Variants in CPNE4 observed in about 807,000 individuals in gnomAD.
CPNE4 encodes the protein copine 4.
CPNE4 carries 25 observed loss-of-function variants against 67.9 expected under a neutral mutation model. That is an observed-to-expected ratio of 0.37 (90% CI 0.27 to 0.51). The LOEUF (loss-of-function observed/expected upper bound fraction) is 0.51, where lower values mean the gene tolerates loss of function less well. Among genes scored for constraint, CPNE4 ranks in the 20% least tolerant of loss-of-function variants. The pLI is 0.93. For synonymous variants in CPNE4, 242 were observed against 244.9 expected (o/e 0.99, Z 0.11); for missense variants, 464 against 690.8 (o/e 0.67, Z 3.68).
At chr3:131,608,334 G>T (rs1457008032) in intron 7 of CPNE4, among the ~76,000 whole-genome samples, 1 of 152,132 alleles carries the variant, frequency 6.6e-6, no homozygotes, top group Non-Finnish European at 1.5e-5. Flanking sequence ...GGAGTACGGT[G>T]GGTTTGGAGT....
chr3:131,793,591 T>C (rs2083840561), intron 2 of CPNE4, among the ~76,000 whole-genome samples: 2 of 152,214 alleles, frequency 1.3e-5, no homozygotes, highest in Admixed American at 1.3e-4. Flanking sequence ...ACTATCTCTC[T>C]CACTCACTAA....
intron 2 of CPNE4, among the ~76,000 whole-genome samples, chr3:131,825,022 G>T (rs75845873): frequency 0.023 from 3,569 of 152,196 alleles, 125 homozygotes; most frequent in African/African-American, 0.08. Context: ...GCAAAAGCAG[G>T]ACCCTTTGAA....
chr3:131,727,101 G>A lies in CPNE4; in HGVS notation c.181-3476C>T, dbSNP rs59494512. Among the ~76,000 whole-genome samples, 722 of 152,284 alleles carry A rather than the reference G, an allele frequency of 4.7e-3. 4 individuals are homozygous for A. Among genetic ancestry groups the A allele is most frequent in the African/African-American group, 0.017 (695 of 41,550 alleles). On this transcript the variant is annotated intron_variant, in intron 2 of 15. Transcript: ENST00000429747. The stretch of plus-strand genomic sequence containing the variant: ...TATAGTTGTATACTATTTTACAAAT[G>A]AGAAAACTCAAGGTTAAATATCAGC...
At chr3:131,612,065 T>C (rs937719707) in intron 7 of CPNE4, among the ~76,000 whole-genome samples, 3 of 152,142 alleles carry the variant, frequency 2.0e-5, no homozygotes, top group African/African-American at 7.2e-5. Context: ...AAGATAACTG[T>C]CATAATTCAT....
intron 2 of CPNE4, among the ~76,000 whole-genome samples, chr3:131,897,571 A>T (rs1423547693): frequency 6.6e-6 from 1 of 151,712 alleles, no homozygotes; most frequent in Non-Finnish European, 1.5e-5. Context: ...ACTATATACA[A>T]TTTTTTTTGT....
intron 1 of CPNE4, among the ~76,000 whole-genome samples, chr3:131,961,196 AT>A (rs1301713861): frequency 6.6e-6 from 1 of 152,218 alleles, no homozygotes; most frequent in African/African-American, 2.4e-5. Flanking sequence ...AAACAATTTT[AT>A]TTAGAGTAAC....
At chr3:131,850,158 T>G (rs2086179537) in intron 2 of CPNE4, among the ~76,000 whole-genome samples, 1 of 152,152 alleles carries the variant, frequency 6.6e-6, no homozygotes, top group Non-Finnish European at 1.5e-5. Flanking sequence ...AAATTTTTTT[T>G]GCCAATATCC....
intron 2 of CPNE4, among the ~76,000 whole-genome samples, chr3:131,890,321 C>G (rs1287122256): frequency 6.6e-6 from 1 of 151,428 alleles, no homozygotes; most frequent in East Asian, 1.9e-4. Flanking sequence ...AAATGGCCAA[C>G]AGGTATATAA....
At chr3:131,750,792 T>C (rs2082607532) in intron 2 of CPNE4, among the ~76,000 whole-genome samples, 1 of 152,144 alleles carries the variant, frequency 6.6e-6, no homozygotes, top group African/African-American at 2.4e-5. Context: ...ATTTCCTTTC[T>C]ATTTAAAGAA....
intron 7 of CPNE4, among the ~76,000 whole-genome samples, chr3:131,658,519 G>A (rs566886677): frequency 1.5e-4 from 23 of 152,230 alleles, no homozygotes; most frequent in African/African-American, 5.3e-4. Flanking sequence ...AAAATAATTC[G>A]TTTCTTATCA....
At chr3:131,771,660 A>G (rs1442685249) in intron 2 of CPNE4, among the ~76,000 whole-genome samples, 1 of 152,134 alleles carries the variant, frequency 6.6e-6, no homozygotes, top group African/African-American at 2.4e-5. Context: ...CTGTAGAACC[A>G]TGAACCAAAT....
At chr3:131,745,209 C>T (rs1217056579) in intron 2 of CPNE4, among the ~76,000 whole-genome samples, 1 of 152,044 alleles carries the variant, frequency 6.6e-6, no homozygotes, top group African/African-American at 2.4e-5. Context: ...TTTTCATGTA[C>T]TTACTTGCTG....
At chr3:131,652,125 GGCT>G (rs1395594166) in intron 7 of CPNE4, among the ~76,000 whole-genome samples, 6 of 152,134 alleles carry the variant, frequency 3.9e-5, no homozygotes. Context: ...AATTAGGTGC[GGCT>G]GCTAAGTCTC....
chr3:131,844,576 C>T (rs2085923772), intron 2 of CPNE4, among the ~76,000 whole-genome samples: 1 of 152,144 alleles, frequency 6.6e-6, no homozygotes, highest in South Asian at 2.1e-4. Context: ...TTCTTATATG[C>T]AATGTTTTCC....
intron 1 of CPNE4, among the ~76,000 whole-genome samples, chr3:131,926,408 T>A (rs919515238): frequency 6.6e-6 from 1 of 152,144 alleles, no homozygotes; most frequent in African/African-American, 2.4e-5. Flanking sequence ...ATAATCCTTG[T>A]AACAAATAAA....
chr3:131,821,149 A>G (rs2084945970), intron 2 of CPNE4, among the ~76,000 whole-genome samples: 1 of 152,204 alleles, frequency 6.6e-6, no homozygotes, highest in African/African-American at 2.4e-5. Flanking sequence ...GTTTCATTTT[A>G]AGAATTCTCC....
chr3:131,695,911 A>G (rs547975225), intron 5 of CPNE4, among the ~76,000 whole-genome samples: 3 of 152,218 alleles, frequency 2.0e-5, no homozygotes, highest in Admixed American at 1.3e-4. Context: ...TTACTATATC[A>G]TTTGTTTTTT....
intron 11 of CPNE4, among the ~76,000 whole-genome samples, chr3:131,559,210 C>A (rs1936626276): frequency 6.6e-6 from 1 of 151,858 alleles, no homozygotes; most frequent in African/African-American, 2.4e-5. Flanking sequence ...TGATGATTGG[C>A]CATTATGTAA....
At chr3:131,602,990 A>G (rs974358534) in intron 7 of CPNE4, among the ~76,000 whole-genome samples, 1 of 152,188 alleles carries the variant, frequency 6.6e-6, no homozygotes, top group African/African-American at 2.4e-5. Flanking sequence ...CATCTGATGA[A>G]GCACTGCTAT....
Sources: gnomAD v4.1 joint callset for allele counts (sites outside exome capture counted in the v4.1 genomes callset) on GRCh38, gnomAD v4.1.1 for gene constraint, MANE v1.5 for transcripts, NCBI Gene and HGNC (gene_info 2026-07-23, HGNC 2026-07-21) for gene names.